The following ADIPOQ variants were observed in gnomAD, a reference collection of about 807,000 sequenced individuals.
ADIPOQ encodes adiponectin, C1Q and collagen domain containing, also known as adiponectin.
A neutral mutation model predicts 16.1 loss-of-function variants in ADIPOQ; 19 were observed. That is an observed-to-expected ratio of 1.18 (90% CI 0.82 to 1.73). ADIPOQ has a LOEUF of 1.73. ADIPOQ is among the 40% of genes most tolerant of loss of function. The pLI is 0.00. For synonymous variants in ADIPOQ, 124 were observed against 125.5 expected (o/e 0.99, Z 0.08); for missense variants, 323 against 308.3 (o/e 1.05, Z -0.36).
intron 1 of ADIPOQ, among the ~76,000 whole-genome samples, chr3:186,850,391 G>T (rs12495941): frequency 0.35 from 52,847 of 151,702 alleles, 9,420 homozygotes; most frequent in Middle Eastern, 0.48. Context: ...GGTAGTTAAG[G>T]TATGCCCTTT....
chr3:186,847,512 A>G (rs1250298252), intron 1 of ADIPOQ, among the ~76,000 whole-genome samples: 1 of 152,226 alleles, frequency 6.6e-6, no homozygotes, highest in African/African-American at 2.4e-5. Flanking sequence ...ATGGTGAATC[A>G]GAAGGTCTGC....
intron 1 of ADIPOQ, chr3:186,852,686 G>A (rs1560108866): frequency 8.1e-6 from 2 of 246,742 alleles, no homozygotes; most frequent in South Asian, 8.7e-5. Context: ...CTGTGTCATC[G>A]TACTTGGGAA....
chr3:186,846,055 A>G (rs889635891), intron 1 of ADIPOQ, among the ~76,000 whole-genome samples: 3 of 151,948 alleles, frequency 2.0e-5, no homozygotes, highest in African/African-American at 7.3e-5. Context: ...AGTTGGGCTC[A>G]TTTCCTTCCT....
chr3:186,853,975 A>G (rs765946061), intron 2 of ADIPOQ: 72 of 580,588 alleles, frequency 1.2e-4, no homozygotes, highest in Non-Finnish European at 2.0e-4. Flanking sequence ...GGAGATAAAG[A>G]TAGAGTTGAA....
At chr3:186,851,071 A>T (rs1711750388) in intron 1 of ADIPOQ, among the ~76,000 whole-genome samples, 1 of 152,088 alleles carries the variant, frequency 6.6e-6, no homozygotes, top group African/African-American at 2.4e-5. Flanking sequence ...TTGGGGTGAG[A>T]TTGCCAATCA....
In ADIPOQ at chr3:186,854,325, T is replaced by C. The variant is rs748404013; in HGVS notation, c.356T>C (p.Leu119Ser). The C allele has an allele frequency of 2.5e-6, 4 of 1,614,076 alleles. No individual in the cohort carries two copies. The highest frequency in any genetic ancestry group is 3.4e-6 in the Non-Finnish European group (4 of 1,180,028). The change falls in exon 3 of 3, where the codon TTG becomes TCG. Residue 119 changes from leucine (L) to serine (S), a missense_variant. Transcript: ENST00000320741. ...YVYRSAFSVG[L>S]ETYVTIPNMP... The stretch of plus-strand genomic sequence containing the variant: ...TACCGCTCAGCATTCAGTGTGGGAT[T>C]GGAGACTTACGTTACTATCCCCAAC...
rs1014659926 is a variant in ADIPOQ at position 186,858,334 on chromosome 3, A to G, written c.*3630A>G. ...CCATCATGTTACTTTAAATATATCT[A>G]TATTATTGTATTTAAAATGTGTTTC... On this transcript the variant is annotated 3_prime_UTR_variant, in exon 3 of 3. Transcript: ENST00000320741. 6 of 151,894 alleles carry G rather than the reference A, an allele frequency of 4.0e-5. No individual in the cohort carries two copies. The highest frequency in any genetic ancestry group is 1.4e-4 in the African/African-American group (6 of 41,424). The allele number at this position is 151,894 out of a possible 1,614,324, so 9.4% of individuals were successfully genotyped here. A position where few individuals can be genotyped will look rare whatever the true frequency, so the allele number is the denominator to read the frequency against.
Position 186,857,545 on chromosome 3 carries a change from A to C in ADIPOQ, c.*2841A>C, listed in dbSNP as rs969745204. On this transcript the variant is annotated 3_prime_UTR_variant, in exon 3 of 3. Coordinates refer to ENST00000320741, the MANE Select transcript of ADIPOQ (RefSeq NM_004797.4). ...GGCTCCTTACAGAACACGCTTTCAC[A>C]GTTACCCTAAACTCTCTGGGGCAGG... The C allele has an allele frequency of 6.6e-6, 1 of 152,188 alleles. No homozygotes were observed. Among genetic ancestry groups the C allele is most frequent in the African/African-American group, 2.4e-5 (1 of 41,438 alleles). 9.4% of individuals were successfully genotyped at this position (152,188 alleles called of 1,614,324 possible). A position where few individuals can be genotyped will look rare whatever the true frequency, so the allele number is the denominator to read the frequency against.
rs779893098 is a variant in ADIPOQ, at chr3:186,853,277, G to C, written c.214+5G>C. 6.3e-7 allele frequency: 1 copy of C among 1,584,420 alleles called. No homozygotes were observed. Among genetic ancestry groups the C allele is most frequent in the Non-Finnish European group, 8.6e-7 (1 of 1,164,620 alleles). On this transcript the variant is annotated splice_donor_5th_base_variant and intron_variant, in intron 2 of 2. Coordinates refer to ENST00000320741, the MANE Select transcript of ADIPOQ (RefSeq NM_004797.4). ...AGGGTGAGAAAGGAGATCCAGGTAA[G>C]AATGTTTCTGGCCTCTTTCATCACA...
chr3:186,853,773 C>T (rs1229562169), intron 2 of ADIPOQ: 5 of 224,926 alleles, frequency 2.2e-5, no homozygotes, highest in African/African-American at 9.2e-5. Context: ...AGAAAATATA[C>T]TCACCGTGGA....
At position 186,857,171 on chromosome 3, in the gene ADIPOQ, C is replaced by T. The variant is rs1344058277; in HGVS notation, c.*2467C>T. 1 of 152,160 alleles carries T rather than the reference C, an allele frequency of 6.6e-6. No individual in the cohort carries two copies. The highest frequency in any genetic ancestry group is 2.4e-5 in the African/African-American group (1 of 41,434). The allele number at this position is 152,160 out of a possible 1,614,324, so 9.4% of individuals were successfully genotyped here. A position where few individuals can be genotyped will look rare whatever the true frequency, so the allele number is the denominator to read the frequency against. On this transcript the variant is annotated 3_prime_UTR_variant, in exon 3 of 3. Coordinates refer to ENST00000320741, the MANE Select transcript of ADIPOQ (RefSeq NM_004797.4). ...GAGGAAGCTCTCTTTCCCAGATGCC[C>T]CAGCAAGTGTAACCTTGCATCTCAT...
rs1387187893 is a variant in ADIPOQ at position 186,858,379 on chromosome 3, G to A, written c.*3675G>A. Reference sequence around the variant, plus strand: ...TGTTTCTTACAGACTGCATGTAGTTGGGTATAATTTTTATCCAGTCTAAAA... The same window carrying A: ...TGTTTCTTACAGACTGCATGTAGTTAGGTATAATTTTTATCCAGTCTAAAA... On this transcript the variant is annotated 3_prime_UTR_variant, in exon 3 of 3. Coordinates refer to ENST00000320741, the MANE Select transcript of ADIPOQ (RefSeq NM_004797.4). The A allele has an allele frequency of 1.3e-5, 2 of 151,910 alleles. No individual in the cohort carries two copies. Among genetic ancestry groups the A allele is most frequent in the Non-Finnish European group, 2.9e-5 (2 of 67,974 alleles). The allele number at this position is 151,910 out of a possible 1,614,324, so 9.4% of individuals were successfully genotyped here.
chr3:186,856,805 C>G lies in ADIPOQ; in HGVS notation c.*2101C>G, dbSNP rs1164632511. 1 of 152,038 alleles carries G rather than the reference C, an allele frequency of 6.6e-6. No homozygotes were observed. The highest frequency in any genetic ancestry group is 2.4e-5 in the African/African-American group (1 of 41,374). 9.4% of individuals were successfully genotyped at this position (152,038 alleles called of 1,614,324 possible). Reference sequence around the variant, plus strand: ...AGTCAGAACTCTGTGTTGTGAATGTCATTCACAACAGAAAACCCAAAATAT... The same window carrying G: ...AGTCAGAACTCTGTGTTGTGAATGTGATTCACAACAGAAAACCCAAAATAT... On this transcript the variant is annotated 3_prime_UTR_variant, in exon 3 of 3. Coordinates refer to ENST00000320741, the MANE Select transcript of ADIPOQ (RefSeq NM_004797.4).
At chr3:186,843,264 G>C (rs973665069) in intron 1 of ADIPOQ, among the ~76,000 whole-genome samples, 1 of 152,188 alleles carries the variant, frequency 6.6e-6, no homozygotes, top group South Asian at 2.1e-4. Context: ...CTATGGGCTA[G>C]ACAGTGGATT....
chr3:186,846,404 T>C (rs542237058), intron 1 of ADIPOQ, among the ~76,000 whole-genome samples: 4 of 152,102 alleles, frequency 2.6e-5, no homozygotes, highest in Non-Finnish European at 5.9e-5. Flanking sequence ...GCTAATTTTT[T>C]TGTATTTTCA....
In ADIPOQ at chr3:186,855,145, A is replaced by G. The variant is rs1339112659; in HGVS notation, c.*441A>G. 4 of 215,530 alleles carry G rather than the reference A, an allele frequency of 1.9e-5. No homozygotes were observed. The highest frequency in any genetic ancestry group is 3.7e-5 in the Non-Finnish European group (4 of 106,988). The allele number at this position is 215,530 out of a possible 1,614,324, so 13.4% of individuals were successfully genotyped here. A position where few individuals can be genotyped will look rare whatever the true frequency, so the allele number is the denominator to read the frequency against. ...TTTGTTCACTAGACTGTGCCCTTTT[A>G]TAGAGGTACATGTTCTCTTTGGAGT... On this transcript the variant is annotated 3_prime_UTR_variant, in exon 3 of 3. Coordinates refer to ENST00000320741, the MANE Select transcript of ADIPOQ (RefSeq NM_004797.4).
chr3:186,852,273 A>G (rs891611537), intron 1 of ADIPOQ: 1 of 152,578 alleles, frequency 6.6e-6, no homozygotes, highest in African/African-American at 2.4e-5. Flanking sequence ...AAGGAGTGAG[A>G]TGGAGAACAA....
At chr3:186,847,942 C>T (rs1168869697) in intron 1 of ADIPOQ, among the ~76,000 whole-genome samples, 4 of 152,008 alleles carry the variant, frequency 2.6e-5, no homozygotes, top group Admixed American at 6.6e-5. Context: ...GAGGCCGAGG[C>T]GGGCGGATCA....
intron 1 of ADIPOQ, among the ~76,000 whole-genome samples, chr3:186,848,860 A>G (rs1489683309): frequency 6.6e-6 from 1 of 152,192 alleles, no homozygotes; most frequent in Non-Finnish European, 1.5e-5. Context: ...CCCACCCAGA[A>G]TTAAGTTGGA....
Sources: gnomAD v4.1 joint callset for allele counts (sites outside exome capture counted in the v4.1 genomes callset) on GRCh38, gnomAD v4.1.1 for gene constraint, MANE v1.5 for transcripts, NCBI Gene and HGNC (gene_info 2026-07-23, HGNC 2026-07-21) for gene names.